The following PLCB1 variants were observed in gnomAD, a reference collection of about 807,000 sequenced individuals.
PLCB1 encodes the protein phospholipase C beta 1.
A neutral mutation model predicts 161.8 loss-of-function variants in PLCB1; 46 were observed. The observed-to-expected ratio is 0.28, with a 90% CI of 0.22 to 0.36. The LOEUF (loss-of-function observed/expected upper bound fraction) is 0.36. PLCB1 is among the 10% of genes least tolerant of loss of function. The probability of loss-of-function intolerance (pLI) is 1.00; values close to 1 mark genes in which losing one functional copy is unlikely to be tolerated. For missense variants in PLCB1, 1,016 were observed against 1,472.5 expected (o/e 0.69, Z 5.07); for synonymous variants, 517 against 503.7 (o/e 1.03, Z -0.35).
At chr20:8,605,060 C>CCA (rs1221235522) in intron 3 of PLCB1, among the ~76,000 whole-genome samples, 1 of 151,460 alleles carries the variant, frequency 6.6e-6, no homozygotes, top group African/African-American at 2.4e-5. Context: ...CCCTGTAATC[C>CCA]CACACACACA....
At chr20:8,823,368 CT>C (rs774641394) in intron 31 of PLCB1, among the ~76,000 whole-genome samples, 2 of 152,282 alleles carry the variant, frequency 1.3e-5, no homozygotes, top group East Asian at 3.9e-4. Flanking sequence ...GGTGATCTGC[CT>C]GCCTCAGCCT....
At chr20:8,595,239 A>C (rs1987295295) in intron 3 of PLCB1, among the ~76,000 whole-genome samples, 1 of 102,696 alleles carries the variant, frequency 9.7e-6, no homozygotes, top group African/African-American at 3.1e-5. Context: ...TCCCAGTGCT[A>C]TCCCTCCCCC....
chr20:8,559,826 G>C (rs923858377), intron 3 of PLCB1, among the ~76,000 whole-genome samples: 2 of 152,002 alleles, frequency 1.3e-5, no homozygotes, highest in Non-Finnish European at 2.9e-5. Context: ...ATGAGCCTAG[G>C]TCGGTCTTGT....
chr20:8,219,406 C>T (rs1310028691), intron 2 of PLCB1, among the ~76,000 whole-genome samples: 1 of 152,108 alleles, frequency 6.6e-6, no homozygotes, highest in Non-Finnish European at 1.5e-5. Flanking sequence ...AGCAAAGGCC[C>T]TGGGGCAGGT....
At chr20:8,373,201 G>A (rs1986959629) in intron 3 of PLCB1, among the ~76,000 whole-genome samples, 1 of 152,090 alleles carries the variant, frequency 6.6e-6, no homozygotes, top group South Asian at 2.1e-4. Context: ...CTTTCTTGGA[G>A]GGACTGATTA....
intron 2 of PLCB1, among the ~76,000 whole-genome samples, chr20:8,360,556 G>T (rs1473276371): frequency 4.6e-5 from 7 of 152,116 alleles, no homozygotes; most frequent in Non-Finnish European, 7.4e-5. Context: ...TAAAATTTAC[G>T]CACTTAGGCA....
intron 12 of PLCB1, among the ~76,000 whole-genome samples, chr20:8,713,062 G>C (rs182426555): frequency 6.6e-6 from 1 of 152,282 alleles, no homozygotes; most frequent in Non-Finnish European, 1.5e-5. Flanking sequence ...AGTTCCATCA[G>C]GTGGGTGTGC....
At chr20:8,291,905 A>T (rs1983400590) in intron 2 of PLCB1, among the ~76,000 whole-genome samples, 1 of 152,124 alleles carries the variant, frequency 6.6e-6, no homozygotes, top group Non-Finnish European at 1.5e-5. Context: ...CCCTTCCCTG[A>T]TCCTATCCCA....
chr20:8,346,912 A>C (rs1328256634), intron 2 of PLCB1, among the ~76,000 whole-genome samples: 1 of 152,340 alleles, frequency 6.6e-6, no homozygotes, highest in East Asian at 1.9e-4. Context: ...AAGTAAATGC[A>C]TAACTCAGTG....
rs182918442 is a variant in PLCB1, at chr20:8,316,165, C to T, written c.178-55217C>T. On this transcript the variant is annotated intron_variant, in intron 2 of 31. Coordinates refer to ENST00000338037, the MANE Select transcript of PLCB1 (RefSeq NM_015192.4). The stretch of plus-strand genomic sequence containing the variant: ...TTCTGACACTGCTAACTCTACAAAG[C>T]GCTCAAGCTGCAGATCAACATTTGT... Among the ~76,000 whole-genome samples, 1,376 of 152,282 alleles carry T rather than the reference C, an allele frequency of 9.0e-3. 11 individuals carry two copies. Among genetic ancestry groups the T allele is most frequent in the Non-Finnish European group, 0.014 (922 of 68,016 alleles).
chr20:8,600,017 G>T, intron 3 of PLCB1, among the ~76,000 whole-genome samples: 2 of 81,360 alleles, frequency 2.5e-5, no homozygotes, highest in African/African-American at 5.6e-5. Context: ...TTTTTTCAAA[G>T]TTTTCAACTT....
chr20:8,557,509 C>T (rs1372929842), intron 3 of PLCB1, among the ~76,000 whole-genome samples: 1 of 151,894 alleles, frequency 6.6e-6, no homozygotes, highest in Non-Finnish European at 1.5e-5. Context: ...TTTATAGAGG[C>T]AGAGTGGCAG....
chr20:8,317,312 C>G (rs899717620), intron 2 of PLCB1, among the ~76,000 whole-genome samples: 4 of 152,220 alleles, frequency 2.6e-5, no homozygotes, highest in Admixed American at 2.0e-4. Context: ...TGGGCCCTAT[C>G]CCCAGAATGG....
chr20:8,883,787 T>G lies in PLCB1; in HGVS notation c.*1938T>G, dbSNP rs1292200075. ...GATCTGAAGGGTTTGGGGTGTTCAT[T>G]AGACACTTAATAAAACTTAACTTCC... is the stretch of plus-strand genomic sequence containing the variant. On this transcript the variant is annotated 3_prime_UTR_variant, in exon 32 of 32. Coordinates refer to ENST00000338037, the MANE Select transcript of PLCB1 (RefSeq NM_015192.4). 3.4e-5 allele frequency: 5 copies of G among 148,062 alleles called. No homozygotes were observed. Among genetic ancestry groups the G allele is most frequent in the Non-Finnish European group, 7.5e-5 (5 of 66,532 alleles). 9.2% of individuals were successfully genotyped at this position (148,062 alleles called of 1,614,324 possible).
rs1385890433 is a variant in PLCB1 at position 8,132,476 on chromosome 20, G to A, written c.-176G>A. On this transcript the variant is annotated 5_prime_UTR_variant, in exon 1 of 32. Transcript: ENST00000338037. The surrounding 1 kb of genome is among the most constrained non-coding windows in gnomAD (Gnocchi z 5.2). ...CGCTGCGCCCCCGCGCGCTCTGCCT[G>A]CTGAGCGGCGCCGGAGGGAGGTGCG... 2 of 347,824 alleles carry A rather than the reference G, an allele frequency of 5.8e-6. No individual in the cohort carries two copies. Among genetic ancestry groups the A allele is most frequent in the Non-Finnish European group, 1.0e-5 (2 of 193,844 alleles). The allele number at this position is 347,824 out of a possible 1,614,324, so 21.5% of individuals were successfully genotyped here.
intron 3 of PLCB1, among the ~76,000 whole-genome samples, chr20:8,495,848 A>G (rs1401369569): frequency 1.3e-5 from 2 of 152,068 alleles, no homozygotes; most frequent in Admixed American, 1.3e-4. Flanking sequence ...TTTCCAGCTC[A>G]GCAAAATTGC....
chr20:8,318,830 T>G (rs1984776411), intron 2 of PLCB1, among the ~76,000 whole-genome samples: 2 of 152,172 alleles, frequency 1.3e-5, no homozygotes, highest in Non-Finnish European at 1.5e-5. Context: ...AATACAATAG[T>G]CAGAGAATAA....
At chr20:8,174,459 A>G (rs1268604552) in intron 2 of PLCB1, among the ~76,000 whole-genome samples, 3 of 152,196 alleles carry the variant, frequency 2.0e-5, no homozygotes, top group Non-Finnish European at 1.5e-5. Context: ...ATTAAGATTG[A>G]CTAATGGAAT....
chr20:8,789,596 C>T (rs770574843), intron 30 of PLCB1, 21 bp downstream of exon 30: 115 of 1,565,516 alleles, frequency 7.3e-5, no homozygotes, highest in Non-Finnish European at 9.2e-5. Context: ...TCATCACGCT[C>T]TCTCCTTTGC....
Sources: gnomAD v4.1 joint callset for allele counts (sites outside exome capture counted in the v4.1 genomes callset) on GRCh38, gnomAD v4.1.1 for gene constraint, Gnocchi (gnomAD v3.1) non-coding constraint, MANE v1.5 for transcripts, NCBI Gene and HGNC (gene_info 2026-07-23, HGNC 2026-07-21) for gene names.